SLC27A2: variants seen among roughly 807,000 people sequenced by gnomAD.
SLC27A2 encodes the protein solute carrier family 27 member 2.
A neutral mutation model predicts 60.0 loss-of-function variants in SLC27A2; 54 were observed. That is an observed-to-expected ratio of 0.90 (90% CI 0.72 to 1.13). The LOEUF (loss-of-function observed/expected upper bound fraction) is 1.13, where lower values mean the gene tolerates loss of function less well. Ranked by LOEUF, SLC27A2 falls within the 50% of genes most tolerant of loss-of-function variation. The probability of loss-of-function intolerance (pLI) is 0.00; values close to 1 mark genes in which losing one functional copy is unlikely to be tolerated. For synonymous variants in SLC27A2, 297 were observed against 297.6 expected (o/e 1.00, Z 0.02); for missense variants, 739 against 777.6 (o/e 0.95, Z 0.59).
chr15:50,229,279 CAA>C (rs2045299702), intron 8 of SLC27A2, among the ~76,000 whole-genome samples: 1 of 152,152 alleles, frequency 6.6e-6, no homozygotes, highest in Non-Finnish European at 1.5e-5. Flanking sequence ...CTCAGGCAAA[CAA>C]AGTCTCAAAT....
At chr15:50,207,062 T>C (rs2045118777) in intron 4 of SLC27A2, among the ~76,000 whole-genome samples, 1 of 152,182 alleles carries the variant, frequency 6.6e-6, no homozygotes, top group Admixed American at 6.5e-5. Flanking sequence ...ATGGGACCCT[T>C]CTGCTGGGCT....
At chr15:50,223,546 T>A (rs1483661463) in intron 5 of SLC27A2, among the ~76,000 whole-genome samples, 1 of 151,758 alleles carries the variant, frequency 6.6e-6, no homozygotes, top group Non-Finnish European at 1.5e-5. Flanking sequence ...GAGTTTTTTT[T>A]ATATGCACAG....
At chr15:50,209,901 T>C (rs997130855) in intron 4 of SLC27A2, among the ~76,000 whole-genome samples, 8 of 152,074 alleles carry the variant, frequency 5.3e-5, no homozygotes, top group African/African-American at 1.9e-4. Context: ...CTAAGAGACA[T>C]TGCAACCATG....
intron 6 of SLC27A2, among the ~76,000 whole-genome samples, chr15:50,226,727 A>G (rs907476425): frequency 6.6e-6 from 1 of 152,200 alleles, no homozygotes; most frequent in Non-Finnish European, 1.5e-5. Flanking sequence ...GCAAGATTCC[A>G]TCTCAGAAAA....
At chr15:50,195,653 AT>A (rs1244968579) in intron 1 of SLC27A2, among the ~76,000 whole-genome samples, 12 of 152,068 alleles carry the variant, frequency 7.9e-5, no homozygotes, top group Admixed American at 3.3e-4. Flanking sequence ...TGATTAAAAT[AT>A]TTTTTTAAAT....
intron 4 of SLC27A2, among the ~76,000 whole-genome samples, chr15:50,216,849 C>T (rs1028291735): frequency 7.2e-6 from 1 of 139,708 alleles, no homozygotes; most frequent in Non-Finnish European, 1.5e-5. Flanking sequence ...ATATATAGTA[C>T]ATATATCCAT....
intron 4 of SLC27A2, among the ~76,000 whole-genome samples, chr15:50,222,390 C>T (rs546937346): frequency 2.0e-5 from 3 of 152,316 alleles, no homozygotes; most frequent in African/African-American, 7.2e-5. Flanking sequence ...AACTGTTGCT[C>T]TTTAATGGCT....
chr15:50,233,535 G>C (rs1290365326), intron 8 of SLC27A2, among the ~76,000 whole-genome samples: 1 of 152,184 alleles, frequency 6.6e-6, no homozygotes, highest in Non-Finnish European at 1.5e-5. Flanking sequence ...CCTTGAATAA[G>C]TCTCTTAATG....
chr15:50,223,290 A>G (rs2045256977), intron 5 of SLC27A2, 131 bp downstream of exon 5: 1 of 598,674 alleles, frequency 1.7e-6, no homozygotes, highest in Non-Finnish European at 2.8e-6. Flanking sequence ...TATCACCAAG[A>G]GAAGTTTTGC....
chr15:50,201,306 G>A (rs374006400), intron 2 of SLC27A2, among the ~76,000 whole-genome samples: 86 of 152,198 alleles, frequency 5.7e-4, no homozygotes, highest in South Asian at 1.5e-3. Flanking sequence ...TCACTTCAGT[G>A]AATTTATCCA....
chr15:50,198,345 T>G (rs147066496), intron 2 of SLC27A2: 2 of 152,138 alleles, frequency 1.3e-5, no homozygotes, highest in East Asian at 3.9e-4. Context: ...AAGGGTAGCA[T>G]GTGTACTAGG....
In SLC27A2 at chr15:50,227,139, A is replaced by G. The variant is rs2045284423; in HGVS notation, c.1418A>G (p.Asn473Ser). The G allele has an allele frequency of 6.2e-7, 1 of 1,613,822 alleles. No individual in the cohort carries two copies. The highest frequency in any genetic ancestry group is 1.3e-5 in the African/African-American group (1 of 74,876). ...GATCTCTTAATGGTTGACCATGAAA[A>G]TTTCATCTATTTCCACGACAGAGTT... is the stretch of plus-strand genomic sequence containing the variant. ...SGDLLMVDHE[N>S]FIYFHDRVGD... The change falls in exon 7 of 10, where the codon AAT becomes AGT. Residue 473 changes from asparagine (N) to serine (S), a missense_variant. Transcript: ENST00000267842.
At chr15:50,202,203 T>C (rs1456022902) in intron 2 of SLC27A2, among the ~76,000 whole-genome samples, 1 of 152,218 alleles carries the variant, frequency 6.6e-6, no homozygotes, top group African/African-American at 2.4e-5. Flanking sequence ...TAAAGTTTTA[T>C]TGGAACACAG....
intron 2 of SLC27A2, 119 bp from the exon 3 acceptor site, chr15:50,202,368 C>T: frequency 1.0e-6 from 1 of 984,068 alleles, no homozygotes; most frequent in Non-Finnish European, 1.5e-6. Flanking sequence ...CTGGTCATGG[C>T]CCTTCCCAGT....
chr15:50,188,065 G>A (rs932685564), intron 1 of SLC27A2, among the ~76,000 whole-genome samples: 1 of 151,828 alleles, frequency 6.6e-6, no homozygotes, highest in Non-Finnish European at 1.5e-5. Flanking sequence ...ATTAGTTCAA[G>A]GATCTTACAG....
At chr15:50,190,174 T>C (rs574003499) in intron 1 of SLC27A2, among the ~76,000 whole-genome samples, 2 of 152,348 alleles carry the variant, frequency 1.3e-5, no homozygotes, top group African/African-American at 4.8e-5. Flanking sequence ...CTGCCAATGA[T>C]TGAGATGCAA....
At chr15:50,192,110 A>G (rs2044979192) in intron 1 of SLC27A2, among the ~76,000 whole-genome samples, 1 of 152,240 alleles carries the variant, frequency 6.6e-6, no homozygotes, top group African/African-American at 2.4e-5. Flanking sequence ...CATATCTACA[A>G]AAGACTCAAG....
At chr15:50,205,039 TCTC>T (rs1441374742) in intron 3 of SLC27A2, among the ~76,000 whole-genome samples, 197 bp from the exon 4 acceptor site, 1 of 151,684 alleles carries the variant, frequency 6.6e-6, no homozygotes, top group Non-Finnish European at 1.5e-5. Context: ...GTATGAGTCT[TCTC>T]CTCCATAGAT....
At position 50,182,440 on chromosome 15, in the gene SLC27A2, A is replaced by G. The variant is rs758163294; in HGVS notation, c.13A>G (p.Ile5Val). The change falls in exon 1 of 10, where the codon ATC (isoleucine) becomes GTC (valine). Residue 5 changes from isoleucine to valine, a missense_variant. Transcript: ENST00000267842. MLSA[I>V]YTVLAGLLFL... is the part of the protein sequence containing the mutation. ...CCCCGCAGCCGTCATGCTTTCCGCC[A>G]TCTACACAGTCCTGGCGGGACTGCT... The G allele has an allele frequency of 6.2e-7, 1 of 1,602,852 alleles. No homozygotes were observed. The highest frequency in any genetic ancestry group is 1.7e-5 in the Admixed American group (1 of 59,154).
Sources: allele counts gnomAD v4.1 joint callset (sites outside exome capture counted in the v4.1 genomes callset), GRCh38; gene constraint gnomAD v4.1.1; transcripts MANE v1.5; gene names NCBI Gene and HGNC (gene_info 2026-07-23, HGNC 2026-07-21).